The following SLC11A2 variants were observed in gnomAD, a reference collection of about 807,000 sequenced individuals.
SLC11A2 encodes the protein natural resistance-associated macrophage protein 2.
Under a neutral mutation model 68.0 loss-of-function variants are expected in SLC11A2, and 38 were observed. The observed-to-expected ratio is 0.56, with a 90% CI of 0.43 to 0.73. SLC11A2 has a LOEUF of 0.73. Among genes scored for constraint, SLC11A2 ranks in the 30% least tolerant of loss-of-function variants. The pLI, the probability that SLC11A2 is intolerant of heterozygous loss-of-function variation, is 0.00. For synonymous variants in SLC11A2, 242 were observed against 250.6 expected, an observed-to-expected ratio of 0.97 and a Z score of 0.32; for missense variants, 517 against 690.5, an observed-to-expected ratio of 0.75 and a Z score of 2.82.
chr12:50,982,778 TAA>T (rs1940158247), downstream of SLC11A2, among the ~76,000 whole-genome samples: 1 of 150,052 alleles, frequency 6.7e-6, no homozygotes, highest in Non-Finnish European at 1.5e-5. Flanking sequence ...ACCCCTCGAC[TAA>T]AAATACAAAA....
At chr12:51,016,143 G>A (rs1246172243) in intron 1 of SLC11A2, among the ~76,000 whole-genome samples, 1 of 152,186 alleles carries the variant, frequency 6.6e-6, no homozygotes, top group Non-Finnish European at 1.5e-5. Flanking sequence ...GCTCATGCCT[G>A]TAATCCTAAC....
chr12:50,970,516 G>A, the SLC11A2 span: 1 of 1,496,766 alleles, frequency 6.7e-7, no homozygotes, highest in Non-Finnish European at 9.1e-7. Context: ...AAGCTTACAT[G>A]CTGGAAGCAA....
chr12:50,958,594 T>C, the SLC11A2 span, among the ~76,000 whole-genome samples: 1 of 151,994 alleles, frequency 6.6e-6, no homozygotes, highest in Admixed American at 6.6e-5. Context: ...AATAATCTTT[T>C]TTAAAACAAG....
At chr12:51,017,262 CTG>C (rs1943728814) in intron 1 of SLC11A2, among the ~76,000 whole-genome samples, 1 of 152,152 alleles carries the variant, frequency 6.6e-6, no homozygotes, top group Non-Finnish European at 1.5e-5. Context: ...GTTGAATAAA[CTG>C]TGCACATTCA....
At position 50,987,053 on chromosome 12, in the gene SLC11A2, A is replaced by T; in HGVS notation, c.*1272T>A. The T allele has an allele frequency of 7.8e-7, 1 of 1,286,536 alleles. No homozygotes were observed. The highest frequency in any genetic ancestry group is 1.0e-6 in the Non-Finnish European group (1 of 988,428). The allele number at this position is 1,286,536 out of a possible 1,614,324, so 79.7% of individuals were successfully genotyped here. On this transcript the variant is annotated 3_prime_UTR_variant, in exon 16 of 16. Coordinates refer to ENST00000262052, the MANE Select transcript of SLC11A2 (RefSeq NM_000617.3). ...GTGATTTGATTTGAGATAATCACAC[A>T]ATCTCAGGCTCGGTATGTAAAAATG...
At chr12:50,968,727 A>C in the SLC11A2 span, among the ~76,000 whole-genome samples, 1 of 151,894 alleles carries the variant, frequency 6.6e-6, no homozygotes, top group South Asian at 2.1e-4. Context: ...TTTTTAGTAG[A>C]GATGGGGTTT....
intron 9 of SLC11A2, among the ~76,000 whole-genome samples, chr12:50,996,183 G>T (rs896006519): frequency 6.6e-6 from 1 of 152,166 alleles, no homozygotes; most frequent in Admixed American, 6.5e-5. Flanking sequence ...GACAGTAAAA[G>T]CCTGTTTGGG....
At chr12:50,983,023 T>C (rs1289899618), downstream of SLC11A2, among the ~76,000 whole-genome samples, 1 of 151,318 alleles carries the variant, frequency 6.6e-6, no homozygotes, top group African/African-American at 2.4e-5. Context: ...ACCTGTGAAG[T>C]TGTTATTTTT....
At chr12:51,016,847 CAAAAAAAAAA>C (rs34208777) in intron 1 of SLC11A2, among the ~76,000 whole-genome samples, 4 of 60,750 alleles carry the variant, frequency 6.6e-5, no homozygotes, top group African/African-American at 2.5e-4. Flanking sequence ...AACTCTGTCT[CAAAAAAAAAA>C]AAAAAAAAAA....
At chr12:50,999,545 T>C in intron 6 of SLC11A2, 130 bp from the exon 7 acceptor site, 1 of 772,984 alleles carries the variant, frequency 1.3e-6, no homozygotes, top group Non-Finnish European at 2.3e-6. Flanking sequence ...GGAGGGACAA[T>C]GGCAGAAAAC....
At chr12:50,990,620 G>C in intron 15 of SLC11A2, 175 bp downstream of exon 15, 1 of 642,244 alleles carries the variant, frequency 1.6e-6, no homozygotes, top group Middle Eastern at 4.3e-4. Context: ...ATGTTGCCCA[G>C]ATTGGTCTCT....
intron 2 of SLC11A2, chr12:51,009,114 TAC>T: frequency 6.7e-7 from 1 of 1,485,182 alleles, no homozygotes; most frequent in East Asian, 2.5e-5. Flanking sequence ...TGGTAGGACT[TAC>T]TCAAATAATC....
At chr12:50,997,042 C>T (rs1215366717) in intron 8 of SLC11A2, 70 bp from the exon 9 acceptor site, 1 of 1,210,972 alleles carries the variant, frequency 8.3e-7, no homozygotes, top group African/African-American at 1.5e-5. Flanking sequence ...TACCAGGGAA[C>T]AGTTAGCATC....
the SLC11A2 span, among the ~76,000 whole-genome samples, chr12:50,964,931 T>C: frequency 4.6e-5 from 7 of 152,178 alleles, no homozygotes; most frequent in Non-Finnish European, 8.8e-5. Context: ...TCTCACTATG[T>C]TGCCCAAGCT....
downstream of SLC11A2, among the ~76,000 whole-genome samples, chr12:50,984,651 T>A (rs1431826249): frequency 6.6e-6 from 1 of 152,250 alleles, no homozygotes. Context: ...TGCAAATGAG[T>A]GAACTTATTA....
At chr12:50,969,198 AC>A in the SLC11A2 span, among the ~76,000 whole-genome samples, 1 of 151,828 alleles carries the variant, frequency 6.6e-6, no homozygotes, top group African/African-American at 2.4e-5. Context: ...GGGGGCTGAG[AC>A]AGGAGAATTG....
upstream of SLC11A2, among the ~76,000 whole-genome samples, chr12:51,027,301 T>C (rs961048393): frequency 6.6e-6 from 1 of 151,808 alleles, no homozygotes; most frequent in East Asian, 1.9e-4. Context: ...ATCGTGCCAC[T>C]GCACTCCAGC....
chr12:50,969,538 A>G, the SLC11A2 span, among the ~76,000 whole-genome samples: 1 of 151,958 alleles, frequency 6.6e-6, no homozygotes, highest in East Asian at 1.9e-4. Context: ...TGTCTGTACT[A>G]AAAATACAAA....
At chr12:51,011,626 G>A (rs618510) in intron 1 of SLC11A2, among the ~76,000 whole-genome samples, 132,049 of 148,616 alleles carry the variant, frequency 0.89, 59,284 homozygotes, top group East Asian at 0.98. Context: ...GCAGTGGCAC[G>A]ATCTCAGCTC....
Sources: allele counts gnomAD v4.1 joint callset (sites outside exome capture counted in the v4.1 genomes callset), GRCh38; gene constraint gnomAD v4.1.1; transcripts MANE v1.5; gene names NCBI Gene and HGNC (gene_info 2026-07-23, HGNC 2026-07-21).